The following LPP variants were observed in gnomAD, a reference collection of about 807,000 sequenced individuals.
LPP encodes lipoma-preferred partner.
LPP carries 38 observed loss-of-function variants against 60.4 expected under a neutral mutation model. The ratio of observed to expected loss-of-function variants is 0.63; its 90% CI spans 0.49 to 0.83. LPP has a LOEUF of 0.83. Ranked by LOEUF, LPP falls within the 40% of genes least tolerant of loss-of-function variation. LPP has a pLI of 0.00. For missense variants in LPP, 902 were observed against 783.6 expected, an observed-to-expected ratio of 1.15 and a Z score of -1.80; for synonymous variants, 328 against 290.8, an observed-to-expected ratio of 1.13 and a Z score of -1.30.
chr3:188,753,647 A>G (rs542975555), intron 8 of LPP, among the ~76,000 whole-genome samples: 4 of 142,074 alleles, frequency 2.8e-5, no homozygotes, highest in African/African-American at 1.1e-4. Context: ...ACTTTACCTT[A>G]ATTTCTCTTT....
chr3:188,857,336 A>G (rs1578006093), intron 9 of LPP, among the ~76,000 whole-genome samples: 1 of 152,218 alleles, frequency 6.6e-6, no homozygotes, highest in East Asian at 1.9e-4. Context: ...ATATCTGAGA[A>G]ACTTGTTAAT....
At chr3:188,500,998 T>G (rs1309691695) in intron 5 of LPP, among the ~76,000 whole-genome samples, 1 of 152,112 alleles carries the variant, frequency 6.6e-6, no homozygotes, top group African/African-American at 2.4e-5. Flanking sequence ...TTAAGAACTG[T>G]TGGATTTTGT....
rs1343772498 is a variant in LPP, at chr3:188,885,792, C to T, written c.*11313C>T. On this transcript the variant is annotated 3_prime_UTR_variant, in exon 12 of 12. Transcript: ENST00000617246. Reference sequence around the variant, plus strand: ...TGTTCTTATTTCTCCACATCCTCTCCAGCACCTGTTGTTTCCTGACTTTTT... The same window carrying T: ...TGTTCTTATTTCTCCACATCCTCTCTAGCACCTGTTGTTTCCTGACTTTTT... 1 of 152,162 alleles carries T rather than the reference C, an allele frequency of 6.6e-6. No individual in the cohort carries two copies. Among genetic ancestry groups the T allele is most frequent in the Non-Finnish European group, 1.5e-5 (1 of 68,038 alleles). The allele number at this position is 152,162 out of a possible 1,614,324, so 9.4% of individuals were successfully genotyped here.
At chr3:188,241,224 T>A (rs1724641015) in intron 2 of LPP, among the ~76,000 whole-genome samples, 1 of 152,334 alleles carries the variant, frequency 6.6e-6, no homozygotes, top group Admixed American at 6.5e-5. Context: ...TCCAACCTGC[T>A]GTTATCTGCG....
chr3:188,167,184 C>T (rs1720213659), intron 1 of LPP, among the ~76,000 whole-genome samples: 1 of 152,168 alleles, frequency 6.6e-6, no homozygotes, highest in African/African-American at 2.4e-5. Flanking sequence ...ATTCTATGGT[C>T]AGTGTAGTAA....
At chr3:188,471,913 G>A (rs774077510) in intron 4 of LPP, among the ~76,000 whole-genome samples, 45 of 152,152 alleles carry the variant, frequency 3.0e-4, no homozygotes, top group Non-Finnish European at 4.7e-4. Context: ...AGTAAACAGA[G>A]TGCTAGATGG....
intron 2 of LPP, among the ~76,000 whole-genome samples, chr3:188,228,548 C>T (rs189889817): frequency 1.3e-5 from 2 of 152,070 alleles, no homozygotes; most frequent in African/African-American, 4.8e-5. Flanking sequence ...CTTTGGGAGG[C>T]CATGGCAGGA....
intron 6 of LPP, among the ~76,000 whole-genome samples, chr3:188,594,585 A>G (rs1283279636): frequency 6.6e-6 from 1 of 152,238 alleles, no homozygotes; most frequent in African/African-American, 2.4e-5. Flanking sequence ...GAAAGTGATC[A>G]GTAAATGCTC....
chr3:188,362,493 C>T (rs1477811322), intron 3 of LPP, among the ~76,000 whole-genome samples: 1 of 152,186 alleles, frequency 6.6e-6, no homozygotes, highest in Admixed American at 6.5e-5. Context: ...GGACATCCTC[C>T]TTCTCTTGTT....
At chr3:188,798,898 G>A (rs1324224071) in intron 9 of LPP, among the ~76,000 whole-genome samples, 1 of 152,174 alleles carries the variant, frequency 6.6e-6, no homozygotes, top group South Asian at 2.1e-4. Context: ...GAATTTTCTT[G>A]CTCAGTATCT....
At chr3:188,824,636 C>T (rs771966088) in intron 9 of LPP, among the ~76,000 whole-genome samples, 2 of 152,052 alleles carry the variant, frequency 1.3e-5, no homozygotes, top group Non-Finnish European at 2.9e-5. Flanking sequence ...CTCCTTTAAC[C>T]GCGTGCAAAA....
chr3:188,637,861 G>A (rs1029768050), intron 7 of LPP, among the ~76,000 whole-genome samples: 1 of 151,720 alleles, frequency 6.6e-6, no homozygotes, highest in African/African-American at 2.4e-5. Flanking sequence ...CTGAAATTGT[G>A]GCAATAATCA....
intron 7 of LPP, among the ~76,000 whole-genome samples, chr3:188,681,468 A>G (rs1199451415): frequency 6.6e-6 from 1 of 152,136 alleles, no homozygotes; most frequent in East Asian, 1.9e-4. Context: ...CATTTGATCT[A>G]CCTTCTCTAA....
intron 7 of LPP, among the ~76,000 whole-genome samples, chr3:188,664,141 T>G (rs1855235817): frequency 6.6e-6 from 1 of 152,242 alleles, no homozygotes; most frequent in Non-Finnish European, 1.5e-5. Context: ...AAGTGCCAAC[T>G]CACCTCTAAG....
intron 6 of LPP, among the ~76,000 whole-genome samples, chr3:188,601,207 A>G (rs377074641): frequency 1.3e-5 from 2 of 152,160 alleles, no homozygotes; most frequent in African/African-American, 4.8e-5. Flanking sequence ...ATTCTATTAT[A>G]TGACTATACT....
intron 2 of LPP, among the ~76,000 whole-genome samples, chr3:188,250,177 T>C (rs1427711013): frequency 3.9e-5 from 6 of 152,208 alleles, no homozygotes; most frequent in Admixed American, 3.9e-4. Flanking sequence ...TGCATTTAGT[T>C]GTCAAGTCTC....
intron 4 of LPP, among the ~76,000 whole-genome samples, chr3:188,419,746 C>T (rs966054088): frequency 3.3e-5 from 5 of 151,854 alleles, no homozygotes; most frequent in Non-Finnish European, 5.9e-5. Context: ...AAAAATTAGC[C>T]GGGCGTGGTG....
At chr3:188,508,810 C>T (rs1410087151) in intron 5 of LPP, among the ~76,000 whole-genome samples, 1 of 152,182 alleles carries the variant, frequency 6.6e-6, no homozygotes, top group Non-Finnish European at 1.5e-5. Context: ...TTAATGTGTT[C>T]AGAGTTGTGG....
Position 188,361,597 on chromosome 3 carries a change from C to T in LPP, c.-10+19878C>T, listed in dbSNP as rs544254133. ...CTTTCATTTTTCCTTTCCTTTCTCT[C>T]GCTCTGTTGCTCAGGCTACAGTGCA... On this transcript the variant is annotated intron_variant, in intron 3 of 11. Transcript: ENST00000617246. Among the ~76,000 whole-genome samples the T allele has an allele frequency of 3.1e-4, 42 of 134,124 alleles. No homozygotes were observed. In the East Asian group the frequency reaches 7.5e-3, roughly 24 times the overall value. The allele number at this position is 134,124 out of a possible 152,430, so 88.0% of individuals were successfully genotyped here.
Sources: gnomAD v4.1 joint callset for allele counts (sites outside exome capture counted in the v4.1 genomes callset) on GRCh38, gnomAD v4.1.1 for gene constraint, MANE v1.5 for transcripts, NCBI Gene and HGNC (gene_info 2026-07-23, HGNC 2026-07-21) for gene names.